Variants in OTUD7B observed in about 807,000 individuals in gnomAD.
OTUD7B encodes the protein OTU deubiquitinase 7B.
Under a neutral mutation model 82.2 loss-of-function variants are expected in OTUD7B, and 34 were observed. The ratio of observed to expected loss-of-function variants is 0.41; its 90% CI spans 0.31 to 0.55. OTUD7B has a LOEUF of 0.55. Among genes scored for constraint, OTUD7B ranks in the 20% least tolerant of loss-of-function variants. The pLI is 0.20. For synonymous variants in OTUD7B, 398 were observed against 402.7 expected, an observed-to-expected ratio of 0.99 and a Z score of 0.14; for missense variants, 944 against 1,062.1, an observed-to-expected ratio of 0.89 and a Z score of 1.55.
At chr1:150,030,838 A>G in the OTUD7B span, among the ~76,000 whole-genome samples, 3 of 152,140 alleles carry the variant, frequency 2.0e-5, no homozygotes. Context: ...CATTGAATAT[A>G]GCTTTGAATT....
At chr1:150,052,752 A>G in the OTUD7B span, among the ~76,000 whole-genome samples, 1 of 152,098 alleles carries the variant, frequency 6.6e-6, no homozygotes, top group Non-Finnish European at 1.5e-5. Flanking sequence ...ACCTGACTTC[A>G]AACTATACTA....
rs587647409 is a variant in OTUD7B at position 149,943,627 on chromosome 1, A to G, written c.*230T>C. On this transcript the variant is annotated 3_prime_UTR_variant, in exon 12 of 12. Transcript: ENST00000581312. ...CTTTTCCCCTTGTACCTCAAACCTC[A>G]TCAAGTCAAGCTCTGCAGAGGAATA... The G allele has an allele frequency of 9.4e-4, 520 of 552,656 alleles. 3 individuals are homozygous for G. The highest frequency in any genetic ancestry group is 8.8e-3 in the African/African-American group (464 of 52,968). The allele number at this position is 552,656 out of a possible 1,614,324, so 34.2% of individuals were successfully genotyped here.
At chr1:149,957,874 G>A (rs1648805353) in intron 7 of OTUD7B, among the ~76,000 whole-genome samples, 1 of 152,230 alleles carries the variant, frequency 6.6e-6, no homozygotes, top group Middle Eastern at 3.2e-3. Context: ...CATTTGCTAA[G>A]ACCGTTGGAA....
chr1:150,040,980 G>C, the OTUD7B span, among the ~76,000 whole-genome samples: 3 of 151,986 alleles, frequency 2.0e-5, no homozygotes, highest in Non-Finnish European at 4.4e-5. Context: ...AAAGTGCTGG[G>C]ATTACAGGTG....
At chr1:150,007,024 GC>G (rs1553786291) in intron 1 of OTUD7B, among the ~76,000 whole-genome samples, 1 of 152,028 alleles carries the variant, frequency 6.6e-6, no homozygotes, top group African/African-American at 2.4e-5. Context: ...ACAGAGTCTG[GC>G]TTCTGAGTCC....
chr1:149,971,479 C>T (rs1176397908), intron 2 of OTUD7B, among the ~76,000 whole-genome samples: 2 of 152,054 alleles, frequency 1.3e-5, no homozygotes, highest in Non-Finnish European at 2.9e-5. Flanking sequence ...AAAATAGAAA[C>T]TTTGTCCCTC....
chr1:150,028,007 A>G, the OTUD7B span, among the ~76,000 whole-genome samples: 1 of 152,246 alleles, frequency 6.6e-6, no homozygotes, highest in Non-Finnish European at 1.5e-5. Flanking sequence ...TCACAAAACC[A>G]TAATTTTAGG....
rs1369483677 is a variant in OTUD7B at position 149,940,301 on chromosome 1, C to T, written c.*3556G>A. 4.0e-5 allele frequency: 6 copies of T among 151,718 alleles called. No individual in the cohort carries two copies. Among genetic ancestry groups the T allele is most frequent in the Admixed American group, 2.0e-4 (3 of 15,244 alleles). 9.4% of individuals were successfully genotyped at this position (151,718 alleles called of 1,614,324 possible). A position where few individuals can be genotyped will look rare whatever the true frequency, so the allele number is the denominator to read the frequency against. On this transcript the variant is annotated 3_prime_UTR_variant, in exon 12 of 12. Coordinates refer to ENST00000581312, the MANE Select transcript of OTUD7B (RefSeq NM_020205.4). ...AGCACTGAGTTTAACACCATCTCCA[C>T]TCCTTAAAAAGACTGAATCTTTAAA...
the OTUD7B span, among the ~76,000 whole-genome samples, chr1:150,065,221 GC>G: frequency 3.3e-5 from 5 of 152,064 alleles, no homozygotes; most frequent in Non-Finnish European, 5.9e-5. Context: ...GGAGGCGCTG[GC>G]CACCATGCCC....
rs1553771825 is a variant in OTUD7B, at chr1:149,945,084, CTG to C, written c.1324-21_1324-20del. On this transcript the variant is annotated intron_variant, in intron 11 of 11. Transcript: ENST00000581312. ...GAGGAGCCTGGAAGAGACAAGAACA[CTG>C]TTGACAGTTATCCCAGCAGCCTGGG... The C allele has an allele frequency of 6.2e-7, 1 of 1,605,182 alleles. No homozygotes were observed. Among genetic ancestry groups the C allele is most frequent in the Admixed American group, 1.7e-5 (1 of 59,492 alleles).
the OTUD7B span, among the ~76,000 whole-genome samples, chr1:150,059,053 C>CA: frequency 1.1e-3 from 134 of 125,466 alleles, 1 homozygote; most frequent in Non-Finnish European, 1.7e-3. Context: ...ACTTTCTTTT[C>CA]TTTTTTTTTT....
chr1:149,982,933 G>GC (rs1553780063), intron 1 of OTUD7B, among the ~76,000 whole-genome samples: 1 of 136,588 alleles, frequency 7.3e-6, no homozygotes, highest in Admixed American at 8.2e-5. Flanking sequence ...TGCAAGCTCC[G>GC]CCCCCCGGGT....
At chr1:150,019,320 C>T in the OTUD7B span, among the ~76,000 whole-genome samples, 2 of 152,178 alleles carry the variant, frequency 1.3e-5, no homozygotes, top group African/African-American at 4.8e-5. Flanking sequence ...GATCTGGTCA[C>T]ATCATTTCCC....
chr1:150,047,139 C>A, the OTUD7B span, among the ~76,000 whole-genome samples: 1 of 152,140 alleles, frequency 6.6e-6, no homozygotes. Context: ...TTCCATCTTC[C>A]GCTGTCAATC....
At chr1:149,958,322 C>CTTTTTTTTTTTTTTTTTTT in intron 7 of OTUD7B, among the ~76,000 whole-genome samples, 1 of 86,394 alleles carries the variant, frequency 1.2e-5, no homozygotes, top group Non-Finnish European at 2.1e-5. Context: ...AAAGGACTAC[C>CTTTTTTTTTTTTTTTTTTT]TTTTTTTTTT....
rs907444189 is a variant in OTUD7B at position 150,010,627 on chromosome 1, G to A, written c.-246C>T. 1 of 152,936 alleles carries A rather than the reference G, an allele frequency of 6.5e-6. No individual in the cohort carries two copies. The highest frequency in any genetic ancestry group is 1.5e-5 in the Non-Finnish European group (1 of 68,312). 9.5% of individuals were successfully genotyped at this position (152,936 alleles called of 1,614,324 possible). On this transcript the variant is annotated 5_prime_UTR_variant, in exon 1 of 12. Transcript: ENST00000581312. Reference sequence around the variant, plus strand: ...TTGCTCCGCACGGGATCTGGAGCTGGAGCCAGAAAGGACTGATCGGGACTG... The same window carrying A: ...TTGCTCCGCACGGGATCTGGAGCTGAAGCCAGAAAGGACTGATCGGGACTG...
At chr1:150,018,794 GCTGAGTCTTA>G in the OTUD7B span, among the ~76,000 whole-genome samples, 49 of 152,256 alleles carry the variant, frequency 3.2e-4, no homozygotes, top group Admixed American at 2.2e-3. Flanking sequence ...AGCTGAAAGG[GCTGAGTCTTA>G]CTGCCCCAAC....
intron 4 of OTUD7B, 26 bp downstream of exon 4, chr1:149,967,268 G>C (rs782361044): frequency 4.6e-6 from 7 of 1,513,670 alleles, no homozygotes; most frequent in Non-Finnish European, 6.4e-6. Flanking sequence ...AGAGGGAAGA[G>C]TGTGGGAGAG....
chr1:149,967,496 G>A lies in OTUD7B; in HGVS notation c.300C>T (p.Ser100=). The part of the protein sequence containing the change: ...VQEKRLSRGI[S]HASSSIVSLA... ...GGGAAACAATGCTGGAGCTGGCGTG[G>A]GAGATGCCCCTAGACAGGCGTTTTT... The change falls in exon 4 of 12, where the codon TCC becomes TCT. Residue 100 remains serine, a synonymous_variant. Transcript: ENST00000581312. The A allele has an allele frequency of 3.7e-6, 6 of 1,611,894 alleles. No homozygotes were observed. Among genetic ancestry groups the A allele is most frequent in the Middle Eastern group, 1.7e-4 (1 of 6,042 alleles).
Sources: gnomAD v4.1 joint callset for allele counts (sites outside exome capture counted in the v4.1 genomes callset) on GRCh38, gnomAD v4.1.1 for gene constraint, MANE v1.5 for transcripts, NCBI Gene and HGNC (gene_info 2026-07-23, HGNC 2026-07-21) for gene names.